Variants in RBFOX1 observed in about 807,000 individuals in gnomAD.
RBFOX1 encodes the protein RNA binding fox-1 homolog 1.
A neutral mutation model predicts 57.7 loss-of-function variants in RBFOX1; 8 were observed. That is an observed-to-expected ratio of 0.14 (90% confidence interval 0.08 to 0.25). The LOEUF (loss-of-function observed/expected upper bound fraction) is 0.25. RBFOX1 is among the 10% of genes least tolerant of loss of function. The probability of loss-of-function intolerance (pLI) is 1.00; values close to 1 mark genes in which losing one functional copy is unlikely to be tolerated. For missense variants in RBFOX1, 611 were observed against 548.5 expected (o/e 1.11, Z -1.14); for synonymous variants, 326 against 222.4 (o/e 1.47, Z -4.15).
chr16:7,171,986 GT>G lies in RBFOX1; in HGVS notation c.27+119889del, dbSNP rs2080792710. Among the ~76,000 whole-genome samples the G allele has an allele frequency of 2.0e-5, 3 of 152,150 alleles. No homozygotes were observed. In the South Asian group the frequency reaches 6.2e-4, roughly 32 times the overall value. On this transcript the variant is annotated intron_variant, in intron 4 of 15. Coordinates refer to ENST00000550418, the MANE Select transcript of RBFOX1 (RefSeq NM_018723.4). Reference sequence around the variant, plus strand: ...CCTGCCCTGGAAGCTGTGTAGTATAGTAGGAAGAATCCTACATTCACAGAGA... The same window carrying G: ...CCTGCCCTGGAAGCTGTGTAGTATAGAGGAAGAATCCTACATTCACAGAGA...
At chr16:6,031,456 T>C (rs2095288078) in intron 1 of RBFOX1, among the ~76,000 whole-genome samples, 1 of 152,188 alleles carries the variant, frequency 6.6e-6, no homozygotes, top group African/African-American at 2.4e-5. Context: ...TTTATAAGCA[T>C]ATTCAAGATA....
intron 2 of RBFOX1, among the ~76,000 whole-genome samples, chr16:6,561,142 G>A (rs1443641670): frequency 2.6e-5 from 4 of 152,122 alleles, no homozygotes; most frequent in Non-Finnish European, 5.9e-5. Context: ...AAAGTAATTG[G>A]ATACTAGTCT....
chr16:7,443,393 A>G (rs1391661969), intron 4 of RBFOX1, among the ~76,000 whole-genome samples: 3 of 151,824 alleles, frequency 2.0e-5, no homozygotes, highest in Non-Finnish European at 2.9e-5. Context: ...TAATCATGTA[A>G]TTGATTTAAT....
At chr16:6,200,916 G>C (rs2097210617) in intron 1 of RBFOX1, among the ~76,000 whole-genome samples, 2 of 149,554 alleles carry the variant, frequency 1.3e-5, no homozygotes, top group Admixed American at 6.8e-5. Flanking sequence ...ATTTTTGCTG[G>C]ATAGAGTTTT....
chr16:5,722,920 C>A (rs549009011), intron 3 of RBFOX1, among the ~76,000 whole-genome samples: 1 of 152,118 alleles, frequency 6.6e-6, no homozygotes, highest in East Asian at 1.9e-4. Context: ...AAGTTCTCAC[C>A]ATATTTAATG....
chr16:7,681,654 G>A (rs1186873349), intron 14 of RBFOX1, among the ~76,000 whole-genome samples: 1 of 151,994 alleles, frequency 6.6e-6, no homozygotes, highest in Non-Finnish European at 1.5e-5. Flanking sequence ...ACCATTTAAG[G>A]GCTTATTTTT....
At chr16:5,397,277 A>C (rs950807948) in intron 1 of RBFOX1, among the ~76,000 whole-genome samples, 3 of 152,168 alleles carry the variant, frequency 2.0e-5, no homozygotes, top group African/African-American at 7.2e-5. Context: ...TCTTGAACTC[A>C]GGTGCTCCAA....
intron 4 of RBFOX1, among the ~76,000 whole-genome samples, chr16:7,212,658 A>G (rs1254787933): frequency 2.0e-5 from 3 of 152,166 alleles, no homozygotes; most frequent in Non-Finnish European, 2.9e-5. Context: ...AATAGCCTCA[A>G]TATTTGAGGA....
At position 5,247,540 on chromosome 16, in the gene RBFOX1, G is replaced by A. The variant is rs181259436; in HGVS notation, c.219+7435G>A. On this transcript the variant is annotated intron_variant, in intron 1 of 2. Coordinates refer to the RBFOX1 transcript ENST00000585867. Reference sequence around the variant, plus strand: ...AGATGGATGGGTCCTTGGAGATCACGCTGTAGCAGAGGAGGCAGGCTACAG... The same window carrying A: ...AGATGGATGGGTCCTTGGAGATCACACTGTAGCAGAGGAGGCAGGCTACAG... Among the ~76,000 whole-genome samples, 106 of 152,294 alleles carry A rather than the reference G, an allele frequency of 7.0e-4. No homozygotes were observed. In the East Asian group the frequency reaches 0.018, roughly 26 times the overall value.
At chr16:6,027,550 T>C (rs1002143746) in intron 1 of RBFOX1, among the ~76,000 whole-genome samples, 2 of 152,202 alleles carry the variant, frequency 1.3e-5, no homozygotes, top group African/African-American at 2.4e-5. Flanking sequence ...CAAATGGAGA[T>C]TATCACTACA....
At chr16:5,589,147 TGGG>T (rs2046927195) in intron 2 of RBFOX1, among the ~76,000 whole-genome samples, 1 of 152,190 alleles carries the variant, frequency 6.6e-6, no homozygotes, top group Admixed American at 6.5e-5. Flanking sequence ...CCCAATCTGC[TGGG>T]TCCAGGACCC....
chr16:5,374,007 T>C (rs2065924024), intron 1 of RBFOX1, among the ~76,000 whole-genome samples: 1 of 152,180 alleles, frequency 6.6e-6, no homozygotes, highest in Non-Finnish European at 1.5e-5. Flanking sequence ...AACCTCCAGC[T>C]TCTGGGTTCA....
At chr16:6,605,638 C>T (rs963949455) in intron 2 of RBFOX1, among the ~76,000 whole-genome samples, 2 of 152,188 alleles carry the variant, frequency 1.3e-5, no homozygotes, top group Non-Finnish European at 2.9e-5. Context: ...AAACTTAATA[C>T]TCGTTCATTG....
chr16:6,416,534 G>A (rs1596912537), intron 2 of RBFOX1, among the ~76,000 whole-genome samples: 1 of 151,940 alleles, frequency 6.6e-6, no homozygotes, highest in East Asian at 1.9e-4. Flanking sequence ...TATTAATGAG[G>A]AAAGAGGAGA....
intron 1 of RBFOX1, among the ~76,000 whole-genome samples, chr16:5,287,778 C>A (rs1445750220): frequency 2.6e-5 from 4 of 152,096 alleles, no homozygotes; most frequent in African/African-American, 9.7e-5. Flanking sequence ...ATTCCAGTGG[C>A]CAAAGCTAGA....
chr16:6,774,035 T>A (rs1021003589), intron 3 of RBFOX1: 1 of 976,944 alleles, frequency 1.0e-6, no homozygotes, highest in Admixed American at 6.2e-5. Context: ...TTGCTTTTTC[T>A]ACCTGTAAAT....
intron 1 of RBFOX1, among the ~76,000 whole-genome samples, chr16:6,135,523 GTCAGGTGTGAATA>G (rs2096660067): frequency 6.6e-6 from 1 of 152,092 alleles, no homozygotes; most frequent in Non-Finnish European, 1.5e-5. Context: ...ATTCAACAGG[GTCAGGTGTGAATA>G]TGGGGGGTAT....
intron 3 of RBFOX1, among the ~76,000 whole-genome samples, chr16:6,699,250 A>G (rs1363927418): frequency 6.6e-6 from 1 of 150,706 alleles, no homozygotes; most frequent in Non-Finnish European, 1.5e-5. Flanking sequence ...AACTCTCTTC[A>G]CGTTCACTGT....
intron 4 of RBFOX1, among the ~76,000 whole-genome samples, chr16:7,445,804 C>T (rs2098803367): frequency 2.0e-5 from 3 of 152,166 alleles, no homozygotes; most frequent in African/African-American, 7.2e-5. Flanking sequence ...ACCTAATCTA[C>T]AACAACAAAT....
Sources: gnomAD v4.1 joint callset for allele counts (sites outside exome capture counted in the v4.1 genomes callset) on GRCh38, gnomAD v4.1.1 for gene constraint, MANE v1.5 for transcripts, NCBI Gene and HGNC (gene_info 2026-07-23, HGNC 2026-07-21) for gene names.